The following LGSN variants were observed in gnomAD, a reference collection of about 807,000 sequenced individuals.
LGSN encodes lengsin.
In LGSN, 21 loss-of-function variants were observed where a neutral mutation model predicts 19.5. The ratio of observed to expected loss-of-function variants is 1.07; its 90% confidence interval spans 0.76 to 1.55. LGSN has a LOEUF of 1.55. Ranked by LOEUF, LGSN falls within the 40% of genes most tolerant of loss-of-function variation. The probability of loss-of-function intolerance (pLI) is 0.00; values close to 1 mark genes in which losing one functional copy is unlikely to be tolerated. For missense variants in LGSN, 673 were observed against 608.5 expected, an observed-to-expected ratio of 1.11 and a Z score of -1.12; for synonymous variants, 257 against 215.6, an observed-to-expected ratio of 1.19 and a Z score of -1.68.
chr6:63,336,879 C>T, the LGSN span, among the ~76,000 whole-genome samples: 4 of 150,074 alleles, frequency 2.7e-5, no homozygotes, highest in Admixed American at 6.6e-5. Flanking sequence ...GGATTGCAGG[C>T]GTGAACCACC....
the LGSN span, among the ~76,000 whole-genome samples, chr6:63,406,172 C>T: frequency 6.6e-6 from 1 of 152,174 alleles, no homozygotes; most frequent in African/African-American, 2.4e-5. Flanking sequence ...CTGCACCAAG[C>T]AGACCTAACA....
At chr6:63,471,659 T>A in the LGSN span, among the ~76,000 whole-genome samples, 1 of 140,746 alleles carries the variant, frequency 7.1e-6, no homozygotes, top group Non-Finnish European at 1.5e-5. Flanking sequence ...AGAATAAGAC[T>A]CTGTCAAAAA....
chr6:63,521,730 A>T, the LGSN span: 1 of 152,188 alleles, frequency 6.6e-6, no homozygotes, highest in Non-Finnish European at 1.5e-5. Context: ...AAGCTCCTGC[A>T]CTTTCTGACC....
chr6:63,536,480 A>G, the LGSN span, among the ~76,000 whole-genome samples: 10 of 152,240 alleles, frequency 6.6e-5, no homozygotes, highest in East Asian at 1.5e-3. Context: ...GAATTATATA[A>G]CAAGATTAGA....
chr6:63,354,205 A>G, the LGSN span, among the ~76,000 whole-genome samples: 2 of 152,194 alleles, frequency 1.3e-5, no homozygotes, highest in African/African-American at 4.8e-5. Context: ...TCATGAAAAC[A>G]CAGCCTGCTG....
chr6:63,399,394 A>AT, the LGSN span, among the ~76,000 whole-genome samples: 15,287 of 140,736 alleles, frequency 0.11, 1,399 homozygotes, highest in African/African-American at 0.25. Flanking sequence ...AACAGTACTA[A>AT]TTTTTTTTTT....
the LGSN span, among the ~76,000 whole-genome samples, chr6:63,434,841 G>A: frequency 6.6e-6 from 1 of 152,014 alleles, no homozygotes; most frequent in Non-Finnish European, 1.5e-5. Context: ...GGAAAACAGC[G>A]CACAGTGAAG....
chr6:63,390,161 G>A, the LGSN span, among the ~76,000 whole-genome samples: 56 of 112,118 alleles, frequency 5.0e-4, no homozygotes, highest in African/African-American at 1.7e-3. Flanking sequence ...GCAGAGTCTC[G>A]CTCTGTCACC....
chr6:63,448,082 T>A, the LGSN span, among the ~76,000 whole-genome samples: 8 of 152,238 alleles, frequency 5.3e-5, no homozygotes, highest in African/African-American at 1.9e-4. Flanking sequence ...TAATATTTCA[T>A]CTCAGAATGA....
At chr6:63,527,795 C>A in the LGSN span, 1 of 152,204 alleles carries the variant, frequency 6.6e-6, no homozygotes, top group Non-Finnish European at 1.5e-5. Flanking sequence ...GCTCACCTGA[C>A]AGATTGCTCT....
chr6:63,344,667 T>A, the LGSN span, among the ~76,000 whole-genome samples: 1 of 151,970 alleles, frequency 6.6e-6, no homozygotes, highest in Non-Finnish European at 1.5e-5. Context: ...TCTGAATGTA[T>A]GAAGAGGAGA....
In LGSN at chr6:63,280,248, T is replaced by A; in HGVS notation, c.1303A>T (p.Asn435Tyr). The part of the protein sequence containing the change: ...AAGLDGLHSS[N>Y]EVLAGPDEST... Reference sequence around the variant, plus strand: ...TCATCTGGACCAGCCAAGACCTCATTACTGCTATGAAGTCCATCTAAGCCG... The same window carrying A: ...TCATCTGGACCAGCCAAGACCTCATAACTGCTATGAAGTCCATCTAAGCCG... The change falls in exon 4 of 4, where the codon AAT becomes TAT. Residue 435 changes from asparagine to tyrosine, a missense_variant. Transcript: ENST00000370657. The A allele has an allele frequency of 1.9e-6, 3 of 1,614,224 alleles. No individual in the cohort carries two copies. Among genetic ancestry groups the A allele is most frequent in the Non-Finnish European group, 2.5e-6 (3 of 1,180,026 alleles).
upstream of LGSN, among the ~76,000 whole-genome samples, chr6:63,322,317 G>C (rs557574520): frequency 6.6e-6 from 1 of 152,264 alleles, no homozygotes; most frequent in South Asian, 2.1e-4. Context: ...TAAGGAAATA[G>C]GGTGAAAACA....
chr6:63,369,864 G>A, the LGSN span, among the ~76,000 whole-genome samples: 298 of 152,190 alleles, frequency 2.0e-3, 1 homozygote, highest in African/African-American at 7.1e-3. Context: ...TTTGCTGGGC[G>A]TGGCACATGC....
chr6:63,361,656 CACTGTCCTGCACCA>C, the LGSN span, among the ~76,000 whole-genome samples: 8 of 152,120 alleles, frequency 5.3e-5, no homozygotes, highest in African/African-American at 1.9e-4. Context: ...GCACTGCACC[CACTGTCCTGCACCA>C]ACTTTCCGAC....
chr6:63,313,394 C>G (rs150000163), intron 1 of LGSN, among the ~76,000 whole-genome samples: 1 of 152,134 alleles, frequency 6.6e-6, no homozygotes, highest in East Asian at 1.9e-4. Flanking sequence ...ACCCAGCAGG[C>G]ACACAAGAAA....
At chr6:63,328,655 G>A in the LGSN span, among the ~76,000 whole-genome samples, 2 of 152,222 alleles carry the variant, frequency 1.3e-5, no homozygotes, top group Non-Finnish European at 1.5e-5. Context: ...ACGAGTCTGA[G>A]TAAGGACTCC....
the LGSN span, among the ~76,000 whole-genome samples, chr6:63,388,492 C>CTGATA: frequency 6.5e-4 from 99 of 152,196 alleles, 2 homozygotes; most frequent in South Asian, 0.02. Flanking sequence ...TCTGATATGA[C>CTGATA]TGATGTCCCT....
At chr6:63,358,288 T>C in the LGSN span, among the ~76,000 whole-genome samples, 1 of 152,228 alleles carries the variant, frequency 6.6e-6, no homozygotes, top group African/African-American at 2.4e-5. Flanking sequence ...CTTTGTTCTT[T>C]TGGCTTAGGA....
Sources: allele counts gnomAD v4.1 joint callset (sites outside exome capture counted in the v4.1 genomes callset), GRCh38; gene constraint gnomAD v4.1.1; transcripts MANE v1.5; gene names NCBI Gene and HGNC (gene_info 2026-07-23, HGNC 2026-07-21).